The following KIF26B variants were observed in gnomAD, a reference collection of about 807,000 sequenced individuals.
KIF26B encodes kinesin-like protein KIF26B.
A neutral mutation model predicts 151.2 loss-of-function variants in KIF26B; 63 were observed. The ratio of observed to expected loss-of-function variants is 0.42; its 90% CI spans 0.34 to 0.51. KIF26B has a LOEUF of 0.51. KIF26B is among the 20% of genes least tolerant of loss of function. The pLI, the probability that KIF26B is intolerant of heterozygous loss-of-function variation, is 0.07. For missense variants in KIF26B, 2,813 were observed against 2,913.6 expected (o/e 0.97, Z 0.79); for synonymous variants, 1,357 against 1,262.1 (o/e 1.08, Z -1.59).
chr1:245,341,870 C>T (rs756951983), intron 2 of KIF26B, among the ~76,000 whole-genome samples: 1 of 152,196 alleles, frequency 6.6e-6, no homozygotes, highest in African/African-American at 2.4e-5. Flanking sequence ...TAAGCTCCTG[C>T]GTCTCCTGTC....
chr1:245,361,911 G>T (rs1672827568), intron 2 of KIF26B, among the ~76,000 whole-genome samples: 1 of 151,796 alleles, frequency 6.6e-6, no homozygotes, highest in African/African-American at 2.4e-5. Context: ...ATAGAACCTT[G>T]AGGGTGGTGA....
chr1:245,248,589 G>C (rs779274473), intron 2 of KIF26B, among the ~76,000 whole-genome samples: 5 of 152,210 alleles, frequency 3.3e-5, no homozygotes, highest in Non-Finnish European at 7.3e-5. Context: ...TTGACGCCAA[G>C]AACTAAATCG....
intron 4 of KIF26B, among the ~76,000 whole-genome samples, chr1:245,433,225 G>A (rs888902555): frequency 6.6e-6 from 1 of 152,088 alleles, no homozygotes; most frequent in African/African-American, 2.4e-5. Context: ...CAGCACTTTG[G>A]GAGGCCGAGG....
chr1:245,263,551 A>G (rs532473941), intron 2 of KIF26B, among the ~76,000 whole-genome samples: 1 of 152,348 alleles, frequency 6.6e-6, no homozygotes, highest in Admixed American at 6.5e-5. Flanking sequence ...ATGTGCTAGG[A>G]GGGCACTAGG....
chr1:245,221,164 C>T (rs1193378901), intron 2 of KIF26B, among the ~76,000 whole-genome samples: 1 of 151,898 alleles, frequency 6.6e-6, no homozygotes, highest in Admixed American at 6.6e-5. Context: ...AGTGTGTAGC[C>T]TATATCCAAA....
At chr1:245,296,756 A>T (rs1448594792) in intron 2 of KIF26B, among the ~76,000 whole-genome samples, 1 of 152,154 alleles carries the variant, frequency 6.6e-6, no homozygotes, top group Admixed American at 6.5e-5. Flanking sequence ...CTGCTGATTC[A>T]TGCCCGCCAT....
At chr1:245,336,142 A>AGTCCCATGCAGGGAAAGAAG (rs1419295174) in intron 2 of KIF26B, among the ~76,000 whole-genome samples, 5 of 138,164 alleles carry the variant, frequency 3.6e-5, no homozygotes, top group African/African-American at 1.4e-4. Context: ...ACGCAGGGAG[A>AGTCCCATGCAGGGAAAGAAG]GTCCCATGCA....
At chr1:245,369,128 T>TG (rs1181219463) in intron 3 of KIF26B, among the ~76,000 whole-genome samples, 1 of 151,020 alleles carries the variant, frequency 6.6e-6, no homozygotes, top group African/African-American at 2.4e-5. Context: ...CACTCCAGCC[T>TG]GGTGACAGAG....
intron 2 of KIF26B, among the ~76,000 whole-genome samples, chr1:245,315,550 C>T (rs890233450): frequency 3.3e-5 from 5 of 151,896 alleles, no homozygotes; most frequent in East Asian, 1.9e-4. Flanking sequence ...GGTGAAACCC[C>T]GTCTCTACTA....
chr1:245,353,346 C>T (rs772621157), intron 2 of KIF26B, among the ~76,000 whole-genome samples: 6 of 152,286 alleles, frequency 3.9e-5, no homozygotes, highest in Non-Finnish European at 7.4e-5. Flanking sequence ...TTTGCTCAGA[C>T]GCTCAAGATG....
chr1:245,368,277 T>G (rs1244471896), intron 3 of KIF26B, among the ~76,000 whole-genome samples: 1 of 152,184 alleles, frequency 6.6e-6, no homozygotes, highest in Non-Finnish European at 1.5e-5. Flanking sequence ...ACACAGGTCT[T>G]AAATCTCCCA....
At chr1:245,561,715 G>A (rs572585847) in intron 5 of KIF26B, among the ~76,000 whole-genome samples, 2 of 152,270 alleles carry the variant, frequency 1.3e-5, no homozygotes, top group South Asian at 4.1e-4. Flanking sequence ...TACTAGTGAG[G>A]AAACTGAGGC....
chr1:245,187,582 C>T (rs941237395), intron 2 of KIF26B, among the ~76,000 whole-genome samples: 4 of 152,120 alleles, frequency 2.6e-5, no homozygotes, highest in African/African-American at 7.2e-5. Context: ...TTTTAACCAG[C>T]TTGAGAGACA....
At chr1:245,276,691 C>A (rs1670944949) in intron 2 of KIF26B, among the ~76,000 whole-genome samples, 1 of 152,142 alleles carries the variant, frequency 6.6e-6, no homozygotes, top group African/African-American at 2.4e-5. Flanking sequence ...GAATGGATGC[C>A]ATGAATTTCC....
intron 5 of KIF26B, among the ~76,000 whole-genome samples, chr1:245,551,981 T>A (rs763203603): frequency 2.0e-5 from 3 of 152,104 alleles, no homozygotes; most frequent in Non-Finnish European, 4.4e-5. Flanking sequence ...GAATGTAAGC[T>A]CCATGAGGGC....
chr1:245,649,021 A>C (rs1029038642), intron 10 of KIF26B, among the ~76,000 whole-genome samples: 1 of 152,162 alleles, frequency 6.6e-6, no homozygotes, highest in Admixed American at 6.5e-5. Flanking sequence ...TGCTGGAAAC[A>C]CGGTGGCCCT....
At chr1:245,537,685 G>C (rs1005945495) in intron 4 of KIF26B, among the ~76,000 whole-genome samples, 1 of 152,166 alleles carries the variant, frequency 6.6e-6, no homozygotes, top group Admixed American at 6.5e-5. Context: ...CATCGAAGAA[G>C]TCATTGGAAG....
At chr1:245,412,132 T>A (rs954688402) in intron 3 of KIF26B, among the ~76,000 whole-genome samples, 1 of 152,192 alleles carries the variant, frequency 6.6e-6, no homozygotes, top group Admixed American at 6.5e-5. Flanking sequence ...AAATTAGCTG[T>A]GGATGGTCTT....
intron 9 of KIF26B, among the ~76,000 whole-genome samples, chr1:245,615,689 T>G (rs1183504238): frequency 6.6e-6 from 1 of 152,212 alleles, no homozygotes; most frequent in African/African-American, 2.4e-5. Flanking sequence ...CTCGGTTAGG[T>G]CCTTCCTAAT....
Sources: allele counts gnomAD v4.1 joint callset (sites outside exome capture counted in the v4.1 genomes callset), GRCh38; gene constraint gnomAD v4.1.1; transcripts MANE v1.5; gene names NCBI Gene and HGNC (gene_info 2026-07-23, HGNC 2026-07-21).